SCAMP5: variants seen among roughly 807,000 people sequenced by gnomAD.
SCAMP5 encodes secretory carrier membrane protein 5.
SCAMP5 carries 7 observed loss-of-function variants against 28.3 expected under a neutral mutation model. The ratio of observed to expected loss-of-function variants is 0.25; its 90% CI spans 0.14 to 0.46. SCAMP5 has a LOEUF of 0.46. Among genes scored for constraint, SCAMP5 ranks in the 20% least tolerant of loss-of-function variants. The pLI is 0.99. For synonymous variants in SCAMP5, 117 were observed against 116.4 expected, an observed-to-expected ratio of 1.00 and a Z score of -0.03; for missense variants, 192 against 312.5, an observed-to-expected ratio of 0.61 and a Z score of 2.91.
At position 75,018,957 on chromosome 15, in the gene SCAMP5, A is replaced by C. The variant is rs1346659509; in HGVS notation, c.682A>C (p.Asn228His). 6.5e-7 allele frequency: 1 copy of C among 1,532,244 alleles called. No individual in the cohort carries two copies. The highest frequency in any genetic ancestry group is 1.3e-5 in the South Asian group (1 of 76,022). The allele number at this position is 1,532,244 out of a possible 1,614,324, so 94.9% of individuals were successfully genotyped here. A position where few individuals can be genotyped will look rare whatever the true frequency, so the allele number is the denominator to read the frequency against. ...TCAGACTCAGTATTCCGCCACCCCCAATTACACGTACTCCAATGAGATGTG... is the reference window on the plus strand; with the variant it reads ...TCAGACTCAGTATTCCGCCACCCCCCATTACACGTACTCCAATGAGATGTG... The part of the protein sequence containing the change: ...QPQTQYSATP[N>H]YTYSNEM The change falls in exon 7 of 7, where the codon AAT (asparagine) becomes CAT (histidine). Residue 228 changes from asparagine (N) to histidine (H), a missense_variant. By Grantham distance (68) the Asn-to-His change is moderately conservative. Transcript: ENST00000425597. The surrounding 1 kb of genome is among the most constrained non-coding windows in gnomAD (Gnocchi z 5.6).
At chr15:74,999,959 T>C (rs2065688291) in intron 1 of SCAMP5, among the ~76,000 whole-genome samples, 1 of 152,162 alleles carries the variant, frequency 6.6e-6, no homozygotes, top group Non-Finnish European at 1.5e-5. Context: ...CGAGATATTG[T>C]TGAGTGGAAA....
Position 75,016,769 on chromosome 15 carries a change from C to G in SCAMP5, c.293+20C>G. On this transcript the variant is annotated intron_variant, in intron 4 of 6. Coordinates refer to ENST00000425597, the MANE Select transcript of SCAMP5 (RefSeq NM_138967.4). ...CTTCAAGTAAGTGGTTGGTGCTATC[C>G]GCAGTGCCTAGCCGTCTCTGCCCAT... The G allele has an allele frequency of 1.2e-6, 2 of 1,604,696 alleles. No homozygotes were observed. Among genetic ancestry groups the G allele is most frequent in the Non-Finnish European group, 1.7e-6 (2 of 1,173,518 alleles).
intron 2 of SCAMP5, among the ~76,000 whole-genome samples, chr15:75,012,215 A>C (rs1377816906): frequency 6.6e-6 from 1 of 152,154 alleles, no homozygotes; most frequent in Non-Finnish European, 1.5e-5. Context: ...AGAATGCCAG[A>C]GCTGGAGGGA....
At chr15:75,010,183 A>T (rs916632655) in intron 1 of SCAMP5, among the ~76,000 whole-genome samples, 1 of 151,824 alleles carries the variant, frequency 6.6e-6, no homozygotes, top group African/African-American at 2.4e-5. Context: ...CTCCTGCTGA[A>T]CTCCCAGGAG....
chr15:75,013,139 T>C, intron 3 of SCAMP5: 1 of 245,922 alleles, frequency 4.1e-6, no homozygotes, highest in East Asian at 9.7e-5. Flanking sequence ...TCCACTGGAG[T>C]AACTTTCCAG....
intron 1 of SCAMP5, among the ~76,000 whole-genome samples, chr15:75,010,752 C>T (rs1022882084): frequency 6.6e-6 from 1 of 152,064 alleles, no homozygotes; most frequent in African/African-American, 2.4e-5. Context: ...TTTACTCCAG[C>T]CTGGGTGACA....
chr15:75,004,418 G>A (rs1181520083), intron 1 of SCAMP5, among the ~76,000 whole-genome samples: 2 of 152,070 alleles, frequency 1.3e-5, no homozygotes, highest in African/African-American at 2.4e-5. Flanking sequence ...AAAGACCAGC[G>A]TGTGTCTTCT....
intron 1 of SCAMP5, among the ~76,000 whole-genome samples, chr15:75,004,408 A>G: frequency 6.6e-6 from 1 of 152,156 alleles, no homozygotes; most frequent in Non-Finnish European, 1.5e-5. Flanking sequence ...CACTGCTTCT[A>G]AAGACCAGCG....
At chr15:74,999,488 G>A (rs1207591236) in intron 1 of SCAMP5, among the ~76,000 whole-genome samples, 2 of 152,136 alleles carry the variant, frequency 1.3e-5, no homozygotes, top group Non-Finnish European at 2.9e-5. Context: ...TGGGGTGTGT[G>A]TGGGGGAGGT....
In SCAMP5 at chr15:74,995,568, C is replaced by G. The variant is rs1417654533; in HGVS notation, c.-154C>G. ...CGCGCGCGCGCGCGCGCGCTCCCCG[C>G]CCCCAGCCCCGGAGCGGCTCGCGGC... is the stretch of plus-strand genomic sequence containing the variant. On this transcript the variant is annotated 5_prime_UTR_variant, in exon 1 of 7. Transcript: ENST00000425597. 6.8e-6 allele frequency: 1 copy of G among 147,474 alleles called. No homozygotes were observed. The highest frequency in any genetic ancestry group is 2.4e-5 in the African/African-American group (1 of 40,838). The allele number at this position is 147,474 out of a possible 1,614,324, so 9.1% of individuals were successfully genotyped here. A position where few individuals can be genotyped will look rare whatever the true frequency, so the allele number is the denominator to read the frequency against.
intron 1 of SCAMP5, among the ~76,000 whole-genome samples, chr15:75,004,012 C>T (rs1463653646): frequency 6.6e-6 from 1 of 151,900 alleles, no homozygotes; most frequent in Non-Finnish European, 1.5e-5. Flanking sequence ...TCAAGCGATT[C>T]TCCTGCGTCA....
chr15:75,017,450 A>G (rs2065868816), intron 4 of SCAMP5, among the ~76,000 whole-genome samples: 2 of 152,156 alleles, frequency 1.3e-5, no homozygotes, highest in South Asian at 2.1e-4. Context: ...TTTGGTGCCA[A>G]TAGGGTGTCC....
intron 1 of SCAMP5, among the ~76,000 whole-genome samples, chr15:75,007,430 C>T (rs113596549): frequency 0.012 from 1,808 of 152,232 alleles, 34 homozygotes; most frequent in African/African-American, 0.038. Context: ...CTCTGCCGCC[C>T]GGGCTGGAGT....
intron 3 of SCAMP5, among the ~76,000 whole-genome samples, chr15:75,015,554 G>A (rs1007775958): frequency 1.3e-5 from 2 of 152,110 alleles, no homozygotes; most frequent in African/African-American, 4.8e-5. Context: ...TCTGTAGAAG[G>A]TCAGAGGGAT....
In SCAMP5 at chr15:74,996,305, G is replaced by A. The variant is rs2065653431; in HGVS notation, c.-49+632G>A. Reference sequence around the variant, plus strand: ...TTGGCTCATTTCAACGCTGGCCGGAGGTCACGAGGATGGAGGTGAGGTGTT... The same window carrying A: ...TTGGCTCATTTCAACGCTGGCCGGAAGTCACGAGGATGGAGGTGAGGTGTT... On this transcript the variant is annotated intron_variant, in intron 1 of 6. Coordinates refer to ENST00000425597, the MANE Select transcript of SCAMP5 (RefSeq NM_138967.4). The surrounding 1 kb of genome is among the most constrained non-coding windows in gnomAD (Gnocchi z 4.1). 1 of 152,424 alleles carries A rather than the reference G, an allele frequency of 6.6e-6. No homozygotes were observed. Among genetic ancestry groups the A allele is most frequent in the African/African-American group, 2.4e-5 (1 of 41,464 alleles). The allele number at this position is 152,424 out of a possible 1,614,324, so 9.4% of individuals were successfully genotyped here. A position where few individuals can be genotyped will look rare whatever the true frequency, so the allele number is the denominator to read the frequency against.
chr15:75,018,558 A>G lies in SCAMP5; in HGVS notation c.513+23A>G. ...ATGGTACGTGGTCCCCTCAAGGGTG[A>G]GAAGGTGGCTTTGGGAAGGGGCCAT... On this transcript the variant is annotated intron_variant, in intron 6 of 6. Transcript: ENST00000425597. The surrounding 1 kb of genome is among the most constrained non-coding windows in gnomAD (Gnocchi z 5.6). 2 of 1,515,122 alleles carry G rather than the reference A, an allele frequency of 1.3e-6. No homozygotes were observed. Among genetic ancestry groups the G allele is most frequent in the Non-Finnish European group, 1.8e-6 (2 of 1,089,862 alleles). The allele number at this position is 1,515,122 out of a possible 1,614,324, so 93.9% of individuals were successfully genotyped here.
Position 75,018,458 on chromosome 15 carries a change from G to A in SCAMP5, c.436G>A (p.Gly146Ser). ...CATCTCCTTCTTCGGAACGAACATT[G>A]GCTCGGCGGTGGTGATGCTAATTCC... Reference protein sequence around the residue: ...ATISFFGTNIGSAVVMLIPTV... With the variant: ...ATISFFGTNISSAVVMLIPTV... The change falls in exon 6 of 7, where the codon GGC becomes AGC. Residue 146 changes from glycine to serine, a missense_variant. Transcript: ENST00000425597. This position sits in a 1 kb window ranked among gnomAD's most constrained non-coding sequence, Gnocchi z 5.6. 2 of 1,613,822 alleles carry A rather than the reference G, an allele frequency of 1.2e-6. No homozygotes were observed. Among genetic ancestry groups the A allele is most frequent in the Non-Finnish European group, 1.7e-6 (2 of 1,179,766 alleles).
At chr15:75,014,148 C>A (rs908044403) in intron 3 of SCAMP5, among the ~76,000 whole-genome samples, 1 of 152,172 alleles carries the variant, frequency 6.6e-6, no homozygotes, top group Non-Finnish European at 1.5e-5. Context: ...TAGCTGCCTA[C>A]CTGGGCAGAT....
At chr15:75,013,360 G>A (rs886453253) in intron 3 of SCAMP5, among the ~76,000 whole-genome samples, 2 of 152,148 alleles carry the variant, frequency 1.3e-5, no homozygotes, top group African/African-American at 2.4e-5. Flanking sequence ...TTGGCTTGGC[G>A]ATTGCTGTGG....
Sources: allele counts gnomAD v4.1 joint callset (sites outside exome capture counted in the v4.1 genomes callset), GRCh38; gene constraint gnomAD v4.1.1; non-coding constraint Gnocchi (gnomAD v3.1); transcripts MANE v1.5; gene names NCBI Gene and HGNC (gene_info 2026-07-23, HGNC 2026-07-21).